Variants in NAV2 observed in about 807,000 individuals in gnomAD.
NAV2 encodes helicase, APC down-regulated 1.
In NAV2, 54 loss-of-function variants were observed where a neutral mutation model predicts 223.2. That is an observed-to-expected ratio of 0.24 (90% CI 0.19 to 0.30). The LOEUF (loss-of-function observed/expected upper bound fraction) is 0.30. Among genes scored for constraint, NAV2 ranks in the 10% least tolerant of loss-of-function variants. The pLI is 1.00. For synonymous variants in NAV2, 1,279 were observed against 1,239.3 expected, an observed-to-expected ratio of 1.03 and a Z score of -0.67; for missense variants, 2,806 against 3,147.5, an observed-to-expected ratio of 0.89 and a Z score of 2.60.
At chr11:20,109,447 A>G (rs7128751) in intron 36 of NAV2, among the ~76,000 whole-genome samples, 13,997 of 152,226 alleles carry the variant, frequency 0.092, 771 homozygotes, top group African/African-American at 0.15. Context: ...ACTGGCGTGG[A>G]TAAATTGACC....
At chr11:19,537,115 G>A (rs1204092771) in intron 1 of NAV2, among the ~76,000 whole-genome samples, 2 of 152,066 alleles carry the variant, frequency 1.3e-5, no homozygotes, top group Admixed American at 6.6e-5. Flanking sequence ...GGGTCCCTGG[G>A]GATCTAACAA....
chr11:19,770,790 GT>G (rs2055659520), intron 1 of NAV2, among the ~76,000 whole-genome samples: 1 of 152,096 alleles, frequency 6.6e-6, no homozygotes, highest in Non-Finnish European at 1.5e-5. Flanking sequence ...GAAATGACAC[GT>G]AATCTTCACT....
At chr11:19,623,246 G>A (rs1230191604) in intron 1 of NAV2, among the ~76,000 whole-genome samples, 1 of 152,084 alleles carries the variant, frequency 6.6e-6, no homozygotes, top group East Asian at 1.9e-4. Context: ...ATGTGTCTTG[G>A]AGTTGCTCTT....
At chr11:19,985,320 G>A (rs905910201) in intron 11 of NAV2, among the ~76,000 whole-genome samples, 1 of 152,104 alleles carries the variant, frequency 6.6e-6, no homozygotes, top group Non-Finnish European at 1.5e-5. Flanking sequence ...GGGAAGGCTG[G>A]GAAACACTGA....
chr11:19,546,678 G>T (rs2044508091), intron 1 of NAV2, among the ~76,000 whole-genome samples: 1 of 152,198 alleles, frequency 6.6e-6, no homozygotes, highest in Admixed American at 6.5e-5. Flanking sequence ...TGTAAGAAGA[G>T]ATTTTATTTC....
At chr11:19,691,374 T>C (rs1315439728) in intron 1 of NAV2, among the ~76,000 whole-genome samples, 1 of 152,204 alleles carries the variant, frequency 6.6e-6, no homozygotes, top group Non-Finnish European at 1.5e-5. Context: ...ATTTCTCACT[T>C]TCTTTTTTTC....
intron 1 of NAV2, among the ~76,000 whole-genome samples, chr11:19,635,057 T>A (rs911714234): frequency 1.3e-5 from 2 of 152,212 alleles, no homozygotes; most frequent in Non-Finnish European, 2.9e-5. Context: ...GCGCTGGTGT[T>A]CCTGATTTCA....
Position 20,101,008 on chromosome 11 carries a change from G to C in NAV2, c.6253G>C (p.Val2085Leu), listed in dbSNP as rs750404096. 3 of 1,614,118 alleles carry C rather than the reference G, an allele frequency of 1.9e-6. No individual in the cohort carries two copies. The East Asian group carries it at 6.7e-5, about 36-fold the overall frequency. Residue 2085 changes from valine (V) to leucine (L), a missense_variant, in exon 32 of 38, where the codon GTC becomes CTC. Coordinates refer to ENST00000349880, the MANE Select transcript of NAV2 (RefSeq NM_145117.5). ...LIPKPILQRY[V>L]SLLIEHRRII... ...TCCCAAGCCCATCCTGCAGCGCTAC[G>C]TCTCCCTCCTGATAGAGCACCGTCG... is the stretch of plus-strand genomic sequence containing the variant.
intron 7 of NAV2, among the ~76,000 whole-genome samples, chr11:19,934,959 CTG>C (rs1432162234): frequency 6.6e-6 from 1 of 152,164 alleles, no homozygotes; most frequent in African/African-American, 2.4e-5. Flanking sequence ...CCATGGGAGA[CTG>C]TGTGGAGCCA....
intron 1 of NAV2, among the ~76,000 whole-genome samples, chr11:19,543,210 T>G (rs2071358972): frequency 6.6e-6 from 1 of 152,202 alleles, no homozygotes; most frequent in African/African-American, 2.4e-5. Context: ...TTGATTAACC[T>G]CGTAGAAGCT....
intron 1 of NAV2, among the ~76,000 whole-genome samples, chr11:19,530,698 C>T (rs1375140225): frequency 6.6e-6 from 1 of 152,190 alleles, no homozygotes; most frequent in African/African-American, 2.4e-5. Context: ...GAGGTTGGAA[C>T]AACAGTAATA....
At chr11:19,458,624 C>T (rs372734739) in intron 1 of NAV2, among the ~76,000 whole-genome samples, 83 of 152,108 alleles carry the variant, frequency 5.5e-4, no homozygotes, top group Non-Finnish European at 1.6e-4. Flanking sequence ...AAAAGGAAAC[C>T]GAGGCACAGA....
chr11:19,948,849 C>A lies in NAV2; in HGVS notation c.2414C>A (p.Pro805His), dbSNP rs750264215. The change falls in exon 10 of 38, where the codon CCC becomes CAC. Residue 805 changes from proline (P) to histidine (H), a missense_variant. Physicochemically the swap from Pro to His is moderately conservative, Grantham distance 77. This residue lies in a region of NAV2 where 1,167 missense variants were observed against 1,180.5 expected (regional missense o/e 0.99). Coordinates refer to ENST00000349880, the MANE Select transcript of NAV2 (RefSeq NM_145117.5). ...GCCCCCTCAATGGGCAATGGGTATC[C>A]CCCTCGAGCCAACGCCAGCAGGTTC... The part of the protein sequence containing the change: ...GDAPSMGNGY[P>H]PRANASRFIN... 6.2e-7 allele frequency: 1 copy of A among 1,614,050 alleles called. No individual in the cohort carries two copies. Among genetic ancestry groups the A allele is most frequent in the Non-Finnish European group, 8.5e-7 (1 of 1,180,022 alleles).
At chr11:19,642,744 A>G (rs1166956923) in intron 1 of NAV2, among the ~76,000 whole-genome samples, 1 of 152,150 alleles carries the variant, frequency 6.6e-6, no homozygotes, top group African/African-American at 2.4e-5. Flanking sequence ...AAAGTGTATT[A>G]TATGAGAAAT....
At chr11:19,693,446 A>G (rs985519723) in intron 1 of NAV2, among the ~76,000 whole-genome samples, 10 of 152,280 alleles carry the variant, frequency 6.6e-5, no homozygotes, top group Non-Finnish European at 1.5e-4. Flanking sequence ...GAAATGTACC[A>G]TAAATATACC....
At chr11:19,955,674 G>T (rs1486016587) in intron 10 of NAV2, among the ~76,000 whole-genome samples, 1 of 152,166 alleles carries the variant, frequency 6.6e-6, no homozygotes. Flanking sequence ...TGAACATTAT[G>T]GGACAAATGT....
intron 1 of NAV2, among the ~76,000 whole-genome samples, chr11:19,482,346 G>A (rs1215405443): frequency 6.6e-6 from 1 of 152,148 alleles, no homozygotes; most frequent in African/African-American, 2.4e-5. Context: ...ATGAGAATAT[G>A]CTGCTGAATT....
At chr11:19,628,570 A>G (rs536697607) in intron 1 of NAV2, among the ~76,000 whole-genome samples, 57 of 152,318 alleles carry the variant, frequency 3.7e-4, no homozygotes, top group African/African-American at 1.3e-3. Context: ...CCATGCACTC[A>G]TCTACATTCA....
chr11:19,539,724 G>A (rs368172214), intron 1 of NAV2, among the ~76,000 whole-genome samples: 2 of 152,142 alleles, frequency 1.3e-5, no homozygotes, highest in East Asian at 3.9e-4. Context: ...CGAATGTCAT[G>A]GACATTTTGA....
Sources: allele counts gnomAD v4.1 joint callset (sites outside exome capture counted in the v4.1 genomes callset), GRCh38; gene constraint gnomAD v4.1.1; regional missense constraint gnomAD v4.1.1; transcripts MANE v1.5; gene names NCBI Gene and HGNC (gene_info 2026-07-23, HGNC 2026-07-21).